ARHGAP40: variants seen among roughly 807,000 people sequenced by gnomAD.
The protein encoded by ARHGAP40 is rho GTPase-activating protein 40.
Under a neutral mutation model 73.5 loss-of-function variants are expected in ARHGAP40, and 43 were observed. The observed-to-expected ratio is 0.58, with a 90% CI of 0.46 to 0.75. The LOEUF (loss-of-function observed/expected upper bound fraction) is 0.75, where lower values mean the gene tolerates loss of function less well. Among genes scored for constraint, ARHGAP40 ranks in the 30% least tolerant of loss-of-function variants. ARHGAP40 has a pLI of 0.00. For missense variants in ARHGAP40, 734 were observed against 861.8 expected, an observed-to-expected ratio of 0.85 and a Z score of 1.86; for synonymous variants, 300 against 352.8, an observed-to-expected ratio of 0.85 and a Z score of 1.68.
At chr20:38,620,095 G>A (rs1323493977) in intron 1 of ARHGAP40, among the ~76,000 whole-genome samples, 1 of 152,228 alleles carries the variant, frequency 6.6e-6, no homozygotes. Flanking sequence ...GCTTGAACAT[G>A]TTTGCCCCTG....
intron 7 of ARHGAP40, among the ~76,000 whole-genome samples, 160 bp from the exon 8 acceptor site, chr20:38,638,601 G>A (rs1449022593): frequency 1.3e-5 from 2 of 152,210 alleles, no homozygotes. Flanking sequence ...CTCTCAGAAT[G>A]CTGGGCTCAT....
intron 6 of ARHGAP40, among the ~76,000 whole-genome samples, chr20:38,635,682 A>G (rs1484139876): frequency 6.6e-6 from 1 of 152,066 alleles, no homozygotes; most frequent in Non-Finnish European, 1.5e-5. Flanking sequence ...ATATAGAACT[A>G]TGAGACCCTG....
chr20:38,649,962 C>G, exon 15 of ARHGAP40: 2 of 762,728 alleles, frequency 2.6e-6, no homozygotes, highest in Non-Finnish European at 3.9e-6. Context: ...GAGTTTTATT[C>G]CAAGGCTTCC....
exon 2 of ARHGAP40, chr20:38,623,377 C>A (rs1244109042): frequency 7.7e-7 from 1 of 1,290,328 alleles, no homozygotes; most frequent in Admixed American, 2.3e-5. Flanking sequence ...CCTCCTCAGG[C>A]CGAATGGATC....
exon 10 of ARHGAP40, chr20:38,641,740 A>C: frequency 1.5e-6 from 2 of 1,295,442 alleles, no homozygotes; most frequent in Non-Finnish European, 2.0e-6. Context: ...CCCCAACCTG[A>C]AGCAGCGCCT....
At position 38,639,402 on chromosome 20, in the gene ARHGAP40, C is replaced by T. The variant is rs776638863; in HGVS notation, c.1279+16C>T. The T allele has an allele frequency of 4.1e-5, 53 of 1,303,522 alleles. No homozygotes were observed. Among genetic ancestry groups the T allele is most frequent in the Non-Finnish European group, 5.1e-5 (50 of 987,470 alleles). The allele number at this position is 1,303,522 out of a possible 1,614,324, so 80.7% of individuals were successfully genotyped here. On this transcript the variant is annotated intron_variant, in intron 9 of 14. Coordinates refer to ENST00000373345, the Ensembl canonical transcript of ARHGAP40. ...GTGGTGCCTAGTGAGTGTGCCCAAGCCCTTAGCCTGTGCAGGGATGGAGAG... is the reference window on the plus strand; with the variant it reads ...GTGGTGCCTAGTGAGTGTGCCCAAGTCCTTAGCCTGTGCAGGGATGGAGAG...
chr20:38,618,750 C>A (rs114700926), intron 1 of ARHGAP40, among the ~76,000 whole-genome samples: 103 of 152,228 alleles, frequency 6.8e-4, no homozygotes, highest in African/African-American at 2.4e-3. Flanking sequence ...ACATAGCAAC[C>A]CCTTCCAAGG....
At position 38,643,721 on chromosome 20, in the gene ARHGAP40, CA is replaced by C; in HGVS notation, c.1381del (p.Arg461GlyfsTer12). 7.7e-7 allele frequency: 1 copy of C among 1,305,812 alleles called. No individual in the cohort carries two copies. The highest frequency in any genetic ancestry group is 1.0e-6 in the Non-Finnish European group (1 of 989,052). The allele number at this position is 1,305,812 out of a possible 1,614,324, so 80.9% of individuals were successfully genotyped here. On this transcript the variant is annotated frameshift_variant, in exon 11 of 15. Coordinates refer to ENST00000373345, the Ensembl canonical transcript of ARHGAP40. LOFTEE classifies it high-confidence loss of function. ...TTCCCTAGGCACTGCTGGAATTCCT[CA>C]GGAAGGTGGTGGCCCGGGAACAGCA...
exon 1 of ARHGAP40, chr20:38,601,879 G>T (rs1378747086): frequency 7.8e-7 from 1 of 1,284,832 alleles, no homozygotes; most frequent in East Asian, 5.6e-5. Flanking sequence ...CTCTCACATT[G>T]CCGATCGAGT....
chr20:38,610,343 C>T (rs960991122), intron 1 of ARHGAP40, among the ~76,000 whole-genome samples: 2 of 152,180 alleles, frequency 1.3e-5, no homozygotes, highest in Non-Finnish European at 1.5e-5. Flanking sequence ...CAGGGAGTCA[C>T]GTGGCAGAGT....
At position 38,646,330 on chromosome 20, in the gene ARHGAP40, C is replaced by A; in HGVS notation, c.1710+143C>A. ...GAGGCCACCAGGGGGCGTTGCGGCG[C>A]CGTCACGGGGAGCGAGGAGGCGTGG... is the stretch of plus-strand genomic sequence containing the variant. On this transcript the variant is annotated intron_variant, in intron 12 of 14. Transcript: ENST00000373345. The surrounding 1 kb of genome is among the most constrained non-coding windows in gnomAD (Gnocchi z 4.5). 2 of 999,188 alleles carry A rather than the reference C, an allele frequency of 2.0e-6. No individual in the cohort carries two copies. Among genetic ancestry groups the A allele is most frequent in the Non-Finnish European group, 1.3e-6 (1 of 790,174 alleles). 61.9% of individuals were successfully genotyped at this position (999,188 alleles called of 1,614,324 possible).
intron 6 of ARHGAP40, among the ~76,000 whole-genome samples, chr20:38,636,701 T>C (rs560837298): frequency 8.2e-4 from 125 of 152,384 alleles, no homozygotes; most frequent in African/African-American, 2.9e-3. Flanking sequence ...GCTGTATATA[T>C]GCTTTTGAAT....
chr20:38,626,588 G>A (rs975241714), intron 2 of ARHGAP40, among the ~76,000 whole-genome samples: 1 of 152,148 alleles, frequency 6.6e-6, no homozygotes, highest in Non-Finnish European at 1.5e-5. Context: ...CTTCCCAAAG[G>A]GACATCAACA....
chr20:38,631,497 CT>C (rs917190283), intron 5 of ARHGAP40, among the ~76,000 whole-genome samples: 6 of 152,096 alleles, frequency 3.9e-5, no homozygotes, highest in African/African-American at 1.4e-4. Flanking sequence ...GGAATCTCCC[CT>C]TTTTAAAACC....
intron 1 of ARHGAP40, among the ~76,000 whole-genome samples, chr20:38,603,857 T>C (rs1481705281): frequency 6.6e-6 from 1 of 152,152 alleles, no homozygotes; most frequent in African/African-American, 2.4e-5. Context: ...TCTTCACACA[T>C]CTCTCTGACT....
At chr20:38,614,451 C>A (rs2088822851) in intron 1 of ARHGAP40, among the ~76,000 whole-genome samples, 2 of 152,102 alleles carry the variant, frequency 1.3e-5, no homozygotes, top group African/African-American at 4.8e-5. Context: ...CATCTACCAT[C>A]CTTCTCTGTG....
At chr20:38,636,221 A>G (rs554551202) in intron 6 of ARHGAP40, among the ~76,000 whole-genome samples, 30 of 152,252 alleles carry the variant, frequency 2.0e-4, no homozygotes, top group Non-Finnish European at 2.9e-4. Flanking sequence ...GACATTTACC[A>G]CAACTATTAA....
At chr20:38,647,206 G>T (rs2145616878) in intron 13 of ARHGAP40, 80 bp downstream of exon 13, 3 of 1,201,242 alleles carry the variant, frequency 2.5e-6, no homozygotes, top group Middle Eastern at 7.5e-4. Context: ...CCACCAGGGG[G>T]TTACACATAC....
intron 6 of ARHGAP40, among the ~76,000 whole-genome samples, chr20:38,636,288 GTCTC>G (rs1228592021): frequency 6.7e-6 from 1 of 149,106 alleles, no homozygotes; most frequent in Non-Finnish European, 1.5e-5. Flanking sequence ...TTGAGAGAAA[GTCTC>G]TCTCTCTTGC....
Sources: allele counts gnomAD v4.1 joint callset (sites outside exome capture counted in the v4.1 genomes callset), GRCh38; gene constraint gnomAD v4.1.1; non-coding constraint Gnocchi (gnomAD v3.1); transcripts MANE v1.5; gene names NCBI Gene and HGNC (gene_info 2026-07-23, HGNC 2026-07-21).